The following ANK1 variants were observed in gnomAD, a reference collection of about 807,000 sequenced individuals.
ANK1 encodes the protein ankyrin-1.
In ANK1, 51 loss-of-function variants were observed where a neutral mutation model predicts 210.4. That is an observed-to-expected ratio of 0.24 (90% confidence interval 0.19 to 0.31). ANK1 has a LOEUF of 0.31. Among genes scored for constraint, ANK1 ranks in the 10% least tolerant of loss-of-function variants. The pLI, the probability that ANK1 is intolerant of heterozygous loss-of-function variation, is 1.00. For missense variants in ANK1, 2,051 were observed against 2,504.4 expected (o/e 0.82, Z 3.86); for synonymous variants, 967 against 1,025.9 (o/e 0.94, Z 1.10).
In ANK1 at chr8:41,773,950, A is replaced by G. The variant is rs552649345; in HGVS notation, c.28-15813T>C. The stretch of plus-strand genomic sequence containing the variant: ...ATCCAAACGCCACTGTTTCCCATCA[A>G]ATAACCAGATGAAGCGAACAGAATG... On this transcript the variant is annotated intron_variant, in intron 1 of 42. Transcript: ENST00000289734. Among the ~76,000 whole-genome samples, 3 of 152,336 alleles carry G rather than the reference A, an allele frequency of 2.0e-5. No homozygotes were observed. In the South Asian group the frequency reaches 6.2e-4, roughly 32 times the overall value.
At chr8:41,655,919 G>A (rs149435096) in intron 42 of ANK1, among the ~76,000 whole-genome samples, 166 bp from the exon 43 acceptor site, 250 of 152,354 alleles carry the variant, frequency 1.6e-3, no homozygotes, top group Non-Finnish European at 2.8e-3. Context: ...CTTGCAGCCC[G>A]ACTTCCTGAG....
intron 14 of ANK1, 107 bp from the exon 15 acceptor site, chr8:41,715,181 T>C: frequency 9.3e-7 from 1 of 1,070,102 alleles, no homozygotes; most frequent in East Asian, 2.4e-5. Context: ...GAGAGGCCAA[T>C]GAAAGCAAAG....
chr8:41,770,259 G>A (rs1174738645), intron 1 of ANK1, among the ~76,000 whole-genome samples: 2 of 152,018 alleles, frequency 1.3e-5, no homozygotes, highest in East Asian at 1.9e-4. Context: ...TTGGGATTAC[G>A]GGCGTGAGCC....
At chr8:41,747,840 A>C (rs1176193568) in intron 2 of ANK1, among the ~76,000 whole-genome samples, 1 of 152,168 alleles carries the variant, frequency 6.6e-6, no homozygotes, top group African/African-American at 2.4e-5. Flanking sequence ...GTGACTACAA[A>C]TGAAGATTTT....
At chr8:41,663,991 C>T in intron 39 of ANK1, 2 of 624,548 alleles carry the variant, frequency 3.2e-6, no homozygotes, top group Non-Finnish European at 5.9e-6. Flanking sequence ...GCCCTCACAA[C>T]ACCCCCTGGG....
intron 33 of ANK1, 148 bp from the exon 34 acceptor site, chr8:41,688,737 G>C (rs1381757499): frequency 2.7e-6 from 2 of 744,122 alleles, no homozygotes. Flanking sequence ...TTAACACAAA[G>C]AGTAACACAT....
intron 38 of ANK1, among the ~76,000 whole-genome samples, chr8:41,669,006 C>T (rs1422334768): frequency 6.6e-6 from 1 of 151,996 alleles, no homozygotes; most frequent in Non-Finnish European, 1.5e-5. Context: ...GACACATTCT[C>T]CCGTGGCTCC....
intron 1 of ANK1, among the ~76,000 whole-genome samples, chr8:41,786,259 T>C (rs1846373149): frequency 6.6e-6 from 1 of 152,174 alleles, no homozygotes; most frequent in Admixed American, 6.5e-5. Flanking sequence ...GGGGGCTCCC[T>C]GTAGGAGTCA....
chr8:41,688,360 G>T, intron 34 of ANK1, 130 bp from the exon 35 acceptor site: 1 of 1,427,184 alleles, frequency 7.0e-7, no homozygotes, highest in Non-Finnish European at 9.9e-7. Flanking sequence ...TGCAAGATCA[G>T]GGGAAGACCC....
intron 41 of ANK1, 102 bp downstream of exon 41, chr8:41,661,774 C>T: frequency 6.2e-7 from 1 of 1,612,168 alleles, no homozygotes; most frequent in Admixed American, 1.7e-5. Flanking sequence ...GGCGCTGGGT[C>T]CCCCAGGGCC....
At chr8:41,727,045 C>A (rs1195440962) in intron 5 of ANK1, among the ~76,000 whole-genome samples, 3 of 152,236 alleles carry the variant, frequency 2.0e-5, no homozygotes, top group African/African-American at 7.2e-5. Flanking sequence ...TTCTTTGGTA[C>A]GTGTCTGGGC....
chr8:41,688,817 A>C (rs1415480335), intron 33 of ANK1, among the ~76,000 whole-genome samples: 1 of 152,204 alleles, frequency 6.6e-6, no homozygotes. Context: ...TAATAACGGC[A>C]AGCCCACGTC....
chr8:41,739,091 A>T (rs1219812180), intron 2 of ANK1, among the ~76,000 whole-genome samples: 1 of 152,068 alleles, frequency 6.6e-6, no homozygotes, highest in Non-Finnish European at 1.5e-5. Flanking sequence ...CTCCAATTAC[A>T]TGTGTTTTAG....
chr8:41,655,764 CAAAG>C lies in ANK1; in HGVS notation c.*37-15_*37-12del. 2 of 1,613,894 alleles carry C rather than the reference CAAAG, an allele frequency of 1.2e-6. No individual in the cohort carries two copies. The highest frequency in any genetic ancestry group is 1.7e-6 in the Non-Finnish European group (2 of 1,179,858). On this transcript the variant is annotated splice_polypyrimidine_tract_variant and intron_variant, in intron 42 of 42. Coordinates refer to ENST00000289734, the MANE Select transcript of ANK1 (RefSeq NM_000037.4). Reference sequence around the variant, plus strand: ...TGTCGAGGTGTGATCCTGGGAGACACAAAGAGAGAAGGAGTCACTTAGAATGCAA... The same window carrying C: ...TGTCGAGGTGTGATCCTGGGAGACACAGAGAAGGAGTCACTTAGAATGCAA...
At chr8:41,769,482 T>A (rs911767270) in intron 1 of ANK1, among the ~76,000 whole-genome samples, 5 of 152,370 alleles carry the variant, frequency 3.3e-5, no homozygotes, top group Admixed American at 3.3e-4. Flanking sequence ...TCTAATGCAC[T>A]GTTCCAACAT....
At chr8:41,669,831 A>C (rs562002983) in intron 38 of ANK1, among the ~76,000 whole-genome samples, 1 of 152,186 alleles carries the variant, frequency 6.6e-6, no homozygotes, top group East Asian at 1.9e-4. Flanking sequence ...GCCTCCTCTC[A>C]AGGCAGGTGC....
At chr8:41,742,902 T>C (rs191410186) in intron 2 of ANK1, among the ~76,000 whole-genome samples, 5 of 152,330 alleles carry the variant, frequency 3.3e-5, no homozygotes, top group African/African-American at 9.6e-5. Flanking sequence ...GTTGTCTACA[T>C]AGTGGACTCC....
chr8:41,815,933 C>T (rs1294639340), intron 1 of ANK1, among the ~76,000 whole-genome samples: 1 of 152,256 alleles, frequency 6.6e-6, no homozygotes, highest in Middle Eastern at 3.4e-3. Context: ...TGTTTCAGTA[C>T]TTTATCTTAT....
intron 1 of ANK1, among the ~76,000 whole-genome samples, chr8:41,810,347 A>G (rs1802298914): frequency 6.6e-6 from 1 of 152,220 alleles, no homozygotes. Flanking sequence ...TCATGTCAGG[A>G]GGTATAAAGA....
Sources: gnomAD v4.1 joint callset for allele counts (sites outside exome capture counted in the v4.1 genomes callset) on GRCh38, gnomAD v4.1.1 for gene constraint, MANE v1.5 for transcripts, NCBI Gene and HGNC (gene_info 2026-07-23, HGNC 2026-07-21) for gene names.